IL1RAPL1: variants seen among roughly 807,000 people sequenced by gnomAD.
IL1RAPL1 encodes the protein interleukin 1 receptor accessory protein like 1.
IL1RAPL1 carries 3 observed loss-of-function variants against 48.4 expected under a neutral mutation model. The ratio of observed to expected loss-of-function variants is 0.06; its 90% CI spans 0.03 to 0.16. The LOEUF is 0.16. Ranked by LOEUF, IL1RAPL1 falls within the 10% of genes least tolerant of loss-of-function variation. The probability of loss-of-function intolerance (pLI) is 1.00; values close to 1 mark genes in which losing one functional copy is unlikely to be tolerated. For missense variants in IL1RAPL1, 349 were observed against 530.6 expected, an observed-to-expected ratio of 0.66 and a Z score of 3.36; for synonymous variants, 185 against 187.7, an observed-to-expected ratio of 0.99 and a Z score of 0.12.
At chrX:29,252,306 C>T (rs190490345) in intron 2 of IL1RAPL1, among the ~76,000 whole-genome samples, 4 of 112,771 alleles carry the variant, frequency 3.5e-5, no homozygotes, top group East Asian at 2.7e-4. Context: ...AAAATCAGGG[C>T]CATAGAGAAA....
At chrX:28,815,759 A>T (rs1446394842) in intron 2 of IL1RAPL1, among the ~76,000 whole-genome samples, 1 of 94,751 alleles carries the variant, frequency 1.1e-5, no homozygotes. Flanking sequence ...TTCCATTTCC[A>T]TCCATGTTGT....
chrX:29,887,198 A>G (rs1167426013), intron 6 of IL1RAPL1, among the ~76,000 whole-genome samples: 1 of 112,518 alleles, frequency 8.9e-6, no homozygotes, highest in Non-Finnish European at 1.9e-5. Context: ...AGCAGAAAAA[A>G]TATTAGAGTA....
At chrX:29,633,093 T>A (rs1294103655) in intron 5 of IL1RAPL1, among the ~76,000 whole-genome samples, 1 of 111,432 alleles carries the variant, frequency 9.0e-6, no homozygotes, top group Non-Finnish European at 1.9e-5. Flanking sequence ...TAGGCCAAAA[T>A]TTTTAACTAC....
At chrX:29,757,976 A>T (rs958377709) in intron 6 of IL1RAPL1, among the ~76,000 whole-genome samples, 3 of 111,885 alleles carry the variant, frequency 2.7e-5, no homozygotes, top group Non-Finnish European at 3.8e-5. Flanking sequence ...GGCAGAAGGG[A>T]GTGAAAAAAT....
intron 2 of IL1RAPL1, among the ~76,000 whole-genome samples, chrX:28,793,976 G>A (rs1936583262): frequency 9.0e-6 from 1 of 111,567 alleles, no homozygotes; most frequent in Admixed American, 9.6e-5. Flanking sequence ...CTTAATGACT[G>A]CATGAATGGT....
chrX:29,402,691 T>C (rs764697757), intron 5 of IL1RAPL1, among the ~76,000 whole-genome samples: 5 of 111,899 alleles, frequency 4.5e-5, no homozygotes, highest in African/African-American at 1.6e-4. Flanking sequence ...TTTTACCTGA[T>C]GTCCTTGTTT....
intron 5 of IL1RAPL1, among the ~76,000 whole-genome samples, chrX:29,578,299 A>G (rs2147802158): frequency 8.9e-6 from 1 of 111,885 alleles, no homozygotes; most frequent in South Asian, 3.7e-4. Context: ...TCTGCCCTTC[A>G]CTATGTGAGT....
chrX:29,862,747 A>G, intron 6 of IL1RAPL1, among the ~76,000 whole-genome samples: 1 of 110,836 alleles, frequency 9.0e-6, no homozygotes, highest in Non-Finnish European at 1.9e-5. Context: ...GCATGTTCAA[A>G]ACAATATCTA....
chrX:28,671,986 C>G (rs1485304804), intron 1 of IL1RAPL1, among the ~76,000 whole-genome samples: 1 of 112,344 alleles, frequency 8.9e-6, no homozygotes, highest in East Asian at 2.8e-4. Context: ...ACCCTTTTTT[C>G]TTACTGAAAA....
At chrX:29,572,253 C>T (rs1436642716) in intron 5 of IL1RAPL1, among the ~76,000 whole-genome samples, 2 of 111,976 alleles carry the variant, frequency 1.8e-5, no homozygotes, top group Non-Finnish European at 3.8e-5. Context: ...TATAATCATT[C>T]AACTAAAGCG....
At chrX:29,038,863 A>C (rs1240750335) in intron 2 of IL1RAPL1, among the ~76,000 whole-genome samples, 1 of 111,822 alleles carries the variant, frequency 8.9e-6, no homozygotes, top group Non-Finnish European at 1.9e-5. Context: ...CTTAAAAAAA[A>C]ACTCTACCCA....
intron 1 of IL1RAPL1, among the ~76,000 whole-genome samples, chrX:28,704,838 A>C (rs1472205148): frequency 1.3e-4 from 14 of 104,118 alleles, no homozygotes; most frequent in African/African-American, 4.8e-4. Context: ...ACACAAAAAA[A>C]AAAAAAAAAA....
At chrX:29,123,294 T>G (rs1189425207) in intron 2 of IL1RAPL1, among the ~76,000 whole-genome samples, 2 of 111,459 alleles carry the variant, frequency 1.8e-5, no homozygotes, top group Admixed American at 1.9e-4. Context: ...CCTCCCAAAG[T>G]GTTGGGATTA....
Position 28,875,680 on chromosome X carries a change from A to C in IL1RAPL1, c.82+86255A>C, listed in dbSNP as rs1569190892. ...GCTTGGTGGCATCCTCATGGTAATG[A>C]GTAAATTCTCATTCTATTATTTTCT... On this transcript the variant is annotated intron_variant, in intron 2 of 10. Transcript: ENST00000378993. Among the ~76,000 whole-genome samples, 3 of 111,238 alleles carry C rather than the reference A, an allele frequency of 2.7e-5. No individual in the cohort carries two copies. The Admixed American group carries it at 2.9e-4, about 11-fold the overall frequency.
chrX:29,333,281 A>G (rs1310121736), intron 3 of IL1RAPL1, among the ~76,000 whole-genome samples: 43 of 101,698 alleles, frequency 4.2e-4, no homozygotes, highest in Non-Finnish European at 7.1e-4. Context: ...CGGGGGGCTG[A>G]CCCCCCCCAC....
intron 1 of IL1RAPL1, among the ~76,000 whole-genome samples, chrX:28,657,064 A>G (rs2146906866): frequency 9.2e-6 from 1 of 109,117 alleles, no homozygotes; most frequent in East Asian, 2.9e-4. Context: ...CACCCCTACC[A>G]GACTATAAAT....
intron 2 of IL1RAPL1, among the ~76,000 whole-genome samples, chrX:28,874,659 T>C (rs972574439): frequency 2.7e-5 from 3 of 112,454 alleles, no homozygotes; most frequent in African/African-American, 9.7e-5. Context: ...AGCATCCTTA[T>C]AATGAACATG....
intron 2 of IL1RAPL1, among the ~76,000 whole-genome samples, chrX:28,862,480 A>C (rs1921971592): frequency 8.9e-6 from 1 of 111,788 alleles, no homozygotes; most frequent in Non-Finnish European, 1.9e-5. Context: ...AAAGAGTTCC[A>C]GTTATGTGAA....
At chrX:29,162,249 C>G (rs999428728) in intron 2 of IL1RAPL1, among the ~76,000 whole-genome samples, 1 of 111,013 alleles carries the variant, frequency 9.0e-6, no homozygotes, top group African/African-American at 3.3e-5. Context: ...GGACAAATAG[C>G]TAATGCATGT....
Sources: gnomAD v4.1 joint callset for allele counts (sites outside exome capture counted in the v4.1 genomes callset) on GRCh38, gnomAD v4.1.1 for gene constraint, MANE v1.5 for transcripts, NCBI Gene and HGNC (gene_info 2026-07-23, HGNC 2026-07-21) for gene names.